Variants in DUX4 observed in about 807,000 individuals in gnomAD.
DUX4 encodes the protein double homeobox protein 4.
At chr4:190,183,863 G>C (rs1438783292) in intron 1 of DUX4, among the ~76,000 whole-genome samples, 1 of 121,822 alleles carries the variant, frequency 8.2e-6, no homozygotes, top group East Asian at 2.4e-4. Flanking sequence ...TCTAAGCCTC[G>C]TGGTTAGTGG....
chr4:190,179,035 T>TTAATTTAGG (rs1742473210), downstream of DUX4, among the ~76,000 whole-genome samples: 3 of 5,326 alleles, frequency 5.6e-4, no homozygotes, highest in Non-Finnish European at 6.8e-4. Flanking sequence ...TGTCACAAAG[T>TTAATTTAGG]CCCTTTAGGC....
chr4:190,181,344 GATATGCCACAATGCCCT>G, intron 1 of DUX4, among the ~76,000 whole-genome samples: 1 of 638 alleles, frequency 1.6e-3, no homozygotes, highest in African/African-American at 4.3e-3. Flanking sequence ...TCTCTGCAAA[GATATGCCACAATGCCCT>G]CTGTAGGCAG....
intron 1 of DUX4, among the ~76,000 whole-genome samples, chr4:190,184,039 A>G (rs1340641081): frequency 7.9e-6 from 1 of 127,064 alleles, no homozygotes; most frequent in Non-Finnish European, 1.8e-5. Flanking sequence ...AGCCAGACAG[A>G]CATCCTTAAG....
At chr4:190,177,876 C>CCCT (rs1742392631), downstream of DUX4, among the ~76,000 whole-genome samples, 2 of 69,808 alleles carry the variant, frequency 2.9e-5, no homozygotes, top group Non-Finnish European at 6.3e-5. Context: ...CACAATGTCC[C>CCCT]TGTAGCCATA....
chr4:190,180,005 TA>T (rs1553983553), downstream of DUX4, among the ~76,000 whole-genome samples: 39 of 128,636 alleles, frequency 3.0e-4, no homozygotes, highest in East Asian at 2.8e-3. Flanking sequence ...AGGCAGAGCT[TA>T]AACTAGAGTT....
chr4:190,179,203 T>C, downstream of DUX4, among the ~76,000 whole-genome samples: 3 of 137,154 alleles, frequency 2.2e-5, no homozygotes, highest in African/African-American at 8.1e-5. Context: ...AAGTGGTACA[T>C]CACCTGGGTG....
rs1423647601 is a variant in DUX4 at position 190,175,244 on chromosome 4, G to T, written c.*196G>T. 0.048 allele frequency: 4,891 copies of T among 102,278 alleles called. No individual in the cohort carries two copies. The highest frequency in any genetic ancestry group is 0.058 in the Non-Finnish European group (3,140 of 54,324). The allele number at this position is 102,278 out of a possible 1,614,324, so 6.3% of individuals were successfully genotyped here. ...CCGCGGAGAACTGCCTTTCTTTCCT[G>T]GGCATCCCGGGGATCCCAGAGCCGG... On this transcript the variant is annotated 3_prime_UTR_variant, in exon 1 of 2. Transcript: ENST00000565211.
downstream of DUX4, among the ~76,000 whole-genome samples, chr4:190,179,435 G>C (rs1742492339): frequency 1.6e-4 from 24 of 147,332 alleles, no homozygotes; most frequent in Non-Finnish European, 2.6e-4. Flanking sequence ...GCAGGGATAT[G>C]TCACAAAGCA....
At chr4:190,176,358 T>C, downstream of DUX4, among the ~76,000 whole-genome samples, 1 of 113,362 alleles carries the variant, frequency 8.8e-6, no homozygotes, top group African/African-American at 2.6e-5. Flanking sequence ...AGTGCAGAGA[T>C]GTGTCAAAAC....
intron 1 of DUX4, chr4:190,182,191 AG>A (rs1321516370): frequency 7.4e-6 from 1 of 136,030 alleles, no homozygotes. Flanking sequence ...GGTGAGGGTT[AG>A]GGTGAGGGTG....
downstream of DUX4, among the ~76,000 whole-genome samples, chr4:190,179,154 A>C (rs2126576993): frequency 6.6e-6 from 1 of 151,982 alleles, no homozygotes; most frequent in East Asian, 2.0e-4. Context: ...TGATCAGTGC[A>C]GAGATACATT....
chr4:190,176,934 T>TCTA (rs1579832186), downstream of DUX4, among the ~76,000 whole-genome samples: 2 of 123,682 alleles, frequency 1.6e-5, no homozygotes, highest in Non-Finnish European at 3.6e-5. Context: ...AGACAGAGCC[T>TCTA]AGACAAGAGT....
downstream of DUX4, among the ~76,000 whole-genome samples, chr4:190,176,611 C>A (rs1196558465): frequency 9.0e-5 from 7 of 78,068 alleles, no homozygotes; most frequent in Admixed American, 1.5e-4. Flanking sequence ...GTTCCCTCCT[C>A]AGGGTGATCA....
chr4:190,180,009 C>CAGGAGT (rs1742524902), downstream of DUX4, among the ~76,000 whole-genome samples: 1 of 101,056 alleles, frequency 9.9e-6, no homozygotes, highest in African/African-American at 4.5e-5. Flanking sequence ...AGAGCTTAAA[C>CAGGAGT]TAGAGTTACA....
downstream of DUX4, among the ~76,000 whole-genome samples, chr4:190,178,916 CAA>C (rs1742463218): frequency 1.9e-5 from 2 of 103,414 alleles, no homozygotes; most frequent in Non-Finnish European, 4.2e-5. Flanking sequence ...TAGGCAGATC[CAA>C]GACAAGAGTC....
chr4:190,177,133 C>T (rs1579832433), downstream of DUX4, among the ~76,000 whole-genome samples: 4 of 151,614 alleles, frequency 2.6e-5, no homozygotes, highest in South Asian at 6.3e-4. Flanking sequence ...CCCCTGTAGG[C>T]AGAGAGTGGA....
chr4:190,176,128 C>T (rs1357676690), downstream of DUX4, among the ~76,000 whole-genome samples: 5 of 111,984 alleles, frequency 4.5e-5, 2 homozygotes, highest in Non-Finnish European at 8.4e-5. Context: ...CAAGTGTTCC[C>T]TCCCTGGGCT....
downstream of DUX4, among the ~76,000 whole-genome samples, chr4:190,178,673 C>CAGTGCAGAGAT (rs1742441743): frequency 6.9e-6 from 1 of 144,464 alleles, no homozygotes; most frequent in Non-Finnish European, 1.6e-5. Context: ...CCTAAGTGAT[C>CAGTGCAGAGAT]AGTGCAGAGA....
At chr4:190,176,372 C>G (rs1157201558), downstream of DUX4, among the ~76,000 whole-genome samples, 3 of 111,106 alleles carry the variant, frequency 2.7e-5, 1 homozygote, top group Non-Finnish European at 6.3e-5. Context: ...TCAAAACGCT[C>G]CTGTAGTCTG....
Sources: gnomAD v4.1 joint callset for allele counts (sites outside exome capture counted in the v4.1 genomes callset) on GRCh38, gnomAD v4.1.1 for gene constraint, MANE v1.5 for transcripts, NCBI Gene and HGNC (gene_info 2026-07-23, HGNC 2026-07-21) for gene names.